PCDH11Y: variants seen among roughly 807,000 people sequenced by gnomAD.
PCDH11Y encodes the protein protocadherin-11 Y-linked.
For missense variants in PCDH11Y, 12 were observed against 224.8 expected, an observed-to-expected ratio of 0.05 and a Z score of 6.05; for synonymous variants, 9 against 83.6, an observed-to-expected ratio of 0.11 and a Z score of 4.87.
intron 2 of PCDH11Y, among the ~76,000 whole-genome samples, chrY:5,285,459 G>A: frequency 6.0e-5 from 2 of 33,233 alleles, no homozygotes; most frequent in Admixed American, 5.5e-4. Context: ...TTTGTATTAA[G>A]TTCTTTGAGA....
At chrY:5,089,537 A>G (rs2052737371) in intron 1 of PCDH11Y, among the ~76,000 whole-genome samples, 2 of 33,721 alleles carry the variant, frequency 5.9e-5, no homozygotes, top group African/African-American at 2.3e-4. Flanking sequence ...TTCACCCACT[A>G]TAGCATTAAT....
intron 2 of PCDH11Y, among the ~76,000 whole-genome samples, chrY:5,155,898 A>G: frequency 2.0e-4 from 5 of 24,442 alleles, no homozygotes; most frequent in African/African-American, 8.2e-4. Flanking sequence ...AGAAGTTTGG[A>G]AGAAAAAGGG....
intron 2 of PCDH11Y, among the ~76,000 whole-genome samples, chrY:5,334,091 C>A (rs373907903): frequency 7.2e-3 from 235 of 32,812 alleles, no homozygotes; most frequent in African/African-American, 0.026. Context: ...TTTGCAAAAT[C>A]TCTCAAGCAC....
At chrY:5,019,437 T>C in intron 1 of PCDH11Y, among the ~76,000 whole-genome samples, 1 of 30,385 alleles carries the variant, frequency 3.3e-5, no homozygotes, top group Non-Finnish European at 7.9e-5. Context: ...CCAGGCATGA[T>C]GGCGGGCGCC....
At chrY:5,364,939 A>G in intron 2 of PCDH11Y, among the ~76,000 whole-genome samples, 1 of 33,173 alleles carries the variant, frequency 3.0e-5, no homozygotes, top group Non-Finnish European at 7.4e-5. Context: ...AATATTTACT[A>G]GGCTATGTTA....
intron 4 of PCDH11Y, among the ~76,000 whole-genome samples, chrY:5,643,083 A>C: frequency 3.1e-5 from 1 of 32,076 alleles, no homozygotes; most frequent in Non-Finnish European, 7.6e-5. Flanking sequence ...TCCATCATAC[A>C]TTTGTTTTTA....
intron 2 of PCDH11Y, among the ~76,000 whole-genome samples, chrY:5,385,002 T>C (rs2053210837): frequency 6.4e-5 from 2 of 31,165 alleles, no homozygotes; most frequent in Non-Finnish European, 1.5e-4. Context: ...ACTGGGGCCT[T>C]AGTGCAGGAG....
chrY:5,371,072 C>T, intron 2 of PCDH11Y, among the ~76,000 whole-genome samples: 1 of 32,539 alleles, frequency 3.1e-5, no homozygotes, highest in Non-Finnish European at 7.5e-5. Context: ...TTCCTGCCTA[C>T]GAGAAAGAAT....
At chrY:5,482,000 T>C in intron 2 of PCDH11Y, among the ~76,000 whole-genome samples, 5 of 22,789 alleles carry the variant, frequency 2.2e-4, no homozygotes, top group Admixed American at 3.8e-4. Flanking sequence ...TTTTTTCTTT[T>C]TTTTTTTTTT....
chrY:5,320,053 A>G, intron 2 of PCDH11Y, among the ~76,000 whole-genome samples: 1 of 33,148 alleles, frequency 3.0e-5, no homozygotes, highest in Non-Finnish European at 7.4e-5. Context: ...CAAAGGAAGG[A>G]ATTTGCATTT....
At chrY:5,193,719 C>T (rs2052915174) in intron 2 of PCDH11Y, among the ~76,000 whole-genome samples, 2 of 32,980 alleles carry the variant, frequency 6.1e-5, no homozygotes, top group African/African-American at 2.4e-4. Flanking sequence ...TTCTGACAGA[C>T]GCAAAATATT....
At chrY:5,382,108 T>C in intron 2 of PCDH11Y, among the ~76,000 whole-genome samples, 1 of 33,746 alleles carries the variant, frequency 3.0e-5, no homozygotes, top group Non-Finnish European at 7.4e-5. Context: ...TTCTACCTAA[T>C]GTCCCTTAGC....
At chrY:5,367,412 C>T in intron 2 of PCDH11Y, among the ~76,000 whole-genome samples, 1 of 12,198 alleles carries the variant, frequency 8.2e-5, no homozygotes, top group Admixed American at 1.4e-3. Flanking sequence ...GAGTCTCGCT[C>T]TGTCGCCCAG....
intron 2 of PCDH11Y, among the ~76,000 whole-genome samples, chrY:5,122,386 T>G (rs2052819587): frequency 3.1e-5 from 1 of 32,768 alleles, no homozygotes; most frequent in African/African-American, 1.2e-4. Flanking sequence ...GGAATTGTTG[T>G]TGTGTCTCAT....
At chrY:5,430,272 C>T in intron 2 of PCDH11Y, among the ~76,000 whole-genome samples, 1 of 34,308 alleles carries the variant, frequency 2.9e-5, no homozygotes, top group Non-Finnish European at 7.3e-5. Context: ...GCTAGATGTA[C>T]AATTGTGCTA....
chrY:5,716,557 A>G, intron 4 of PCDH11Y, among the ~76,000 whole-genome samples: 1 of 33,321 alleles, frequency 3.0e-5, no homozygotes, highest in Non-Finnish European at 7.4e-5. Context: ...ATAAAAAACT[A>G]TAAAACACTG....
At chrY:5,121,653 C>T in intron 2 of PCDH11Y, among the ~76,000 whole-genome samples, 1 of 32,715 alleles carries the variant, frequency 3.1e-5, no homozygotes, top group Admixed American at 2.9e-4. Context: ...CCCTTTTCAA[C>T]TTGAACCCAT....
intron 4 of PCDH11Y, among the ~76,000 whole-genome samples, chrY:5,727,847 A>T: frequency 3.1e-5 from 1 of 32,719 alleles, no homozygotes; most frequent in African/African-American, 1.2e-4. Context: ...AAATGCATAC[A>T]ATCATGTATC....
At chrY:5,499,048 T>G in intron 2 of PCDH11Y, among the ~76,000 whole-genome samples, 1 of 32,551 alleles carries the variant, frequency 3.1e-5, no homozygotes, top group Non-Finnish European at 7.5e-5. Flanking sequence ...TTCTAGTTAC[T>G]TGGGAGGGTC....
Sources: allele counts gnomAD v4.1 joint callset (sites outside exome capture counted in the v4.1 genomes callset), GRCh38; gene constraint gnomAD v4.1.1; transcripts MANE v1.5; gene names NCBI Gene and HGNC (gene_info 2026-07-23, HGNC 2026-07-21).